Variants in ZFP92 observed in about 807,000 individuals in gnomAD.
ZFP92 encodes zinc finger protein 92 homolog.
Under a neutral mutation model 7.6 loss-of-function variants are expected in ZFP92, and 2 were observed. The observed-to-expected ratio is 0.26, with a 90% confidence interval of 0.11 to 0.83. The LOEUF (loss-of-function observed/expected upper bound fraction) is 0.83, where lower values mean the gene tolerates loss of function less well. ZFP92 is among the 40% of genes least tolerant of loss of function. The pLI is 0.65. For synonymous variants in ZFP92, 226 were observed against 183.6 expected (o/e 1.23, Z -1.87); for missense variants, 324 against 408.3 (o/e 0.79, Z 1.78).
chrX:153,421,819 C>G lies in ZFP92; in HGVS notation c.*191C>G. ...CTGAGGCTGAGAAACGCAGGAAGGACTCAGAACCGAGGACTGCCGCCTGCC... is the reference window on the plus strand; with the variant it reads ...CTGAGGCTGAGAAACGCAGGAAGGAGTCAGAACCGAGGACTGCCGCCTGCC... On this transcript the variant is annotated 3_prime_UTR_variant, in exon 6 of 6. Coordinates refer to ENST00000338647, the MANE Select transcript of ZFP92 (RefSeq NM_001136273.2). 1 of 525,647 alleles carries G rather than the reference C, an allele frequency of 1.9e-6. No homozygotes were observed. Among genetic ancestry groups the G allele is most frequent in the Non-Finnish European group, 2.5e-6 (1 of 396,915 alleles). 43.3% of individuals were successfully genotyped at this position (525,647 alleles called of 1,213,427 possible).
chrX:153,413,981 G>C (rs1303875408), intron 2 of ZFP92, among the ~76,000 whole-genome samples: 9 of 112,440 alleles, frequency 8.0e-5, no homozygotes, highest in South Asian at 3.7e-4. Flanking sequence ...GTTCACTCAG[G>C]GGGTCACCAC....
chrX:153,413,770 G>A (rs2124288652), intron 2 of ZFP92, among the ~76,000 whole-genome samples: 1 of 112,385 alleles, frequency 8.9e-6, no homozygotes, highest in South Asian at 3.7e-4. Flanking sequence ...CCACCTGGGT[G>A]TTATTTGAGT....
chrX:153,423,904 C>G lies in ZFP92; in HGVS notation c.*2276C>G, dbSNP rs1477313444. 1 of 113,494 alleles carries G rather than the reference C, an allele frequency of 8.8e-6. No individual in the cohort carries two copies. Among genetic ancestry groups the G allele is most frequent in the Non-Finnish European group, 1.9e-5 (1 of 53,467 alleles). 9.4% of individuals were successfully genotyped at this position (113,494 alleles called of 1,213,427 possible). On this transcript the variant is annotated 3_prime_UTR_variant, in exon 6 of 6. Coordinates refer to ENST00000338647, the MANE Select transcript of ZFP92 (RefSeq NM_001136273.2). Reference sequence around the variant, plus strand: ...TGGCAGGAGGCCATGCAATTGGGCTCTAGTCTTGCTTCATTCAACTGAACC... The same window carrying G: ...TGGCAGGAGGCCATGCAATTGGGCTGTAGTCTTGCTTCATTCAACTGAACC...
intron 2 of ZFP92, among the ~76,000 whole-genome samples, chrX:153,415,704 T>A (rs2124291326): frequency 8.9e-6 from 1 of 111,930 alleles, no homozygotes; most frequent in African/African-American, 3.3e-5. Context: ...TTCTTTTTAA[T>A]CACCATCTTG....
chrX:153,420,896 C>A lies in ZFP92; in HGVS notation c.519C>A (p.Ile173=). Residue 173 remains isoleucine (I), a synonymous_variant, in exon 6 of 6, where the codon ATC becomes ATA. Transcript: ENST00000338647. ...RSSNLIKHRI[I]HSGEKPYACP... is the part of the protein sequence containing the mutation. ...CCAACCTCATCAAGCACCGCATCATCCACAGTGGCGAGAAGCCTTACGCGT... is the reference window on the plus strand; with the variant it reads ...CCAACCTCATCAAGCACCGCATCATACACAGTGGCGAGAAGCCTTACGCGT... 11 of 1,188,988 alleles carry A rather than the reference C, an allele frequency of 9.3e-6. No individual in the cohort carries two copies. Among genetic ancestry groups the A allele is most frequent in the Non-Finnish European group, 1.2e-5 (11 of 884,075 alleles).
rs3987736 is a variant in ZFP92 at position 153,423,393 on chromosome X, TACACACACACACACACACACAC to T, written c.*1784_*1805del. The T allele has an allele frequency of 1.1e-5, 1 of 93,970 alleles. No individual in the cohort carries two copies. The highest frequency in any genetic ancestry group is 2.1e-5 in the Non-Finnish European group (1 of 47,208). 7.7% of individuals were successfully genotyped at this position (93,970 alleles called of 1,213,427 possible). On this transcript the variant is annotated 3_prime_UTR_variant, in exon 6 of 6. Transcript: ENST00000338647. ...TAGGACAACTCCAGAAATAATGTTA[TACACACACACACACACACACAC>T]ACACACACACACACACACGATATAT...
At chrX:153,417,970 G>A (rs1034092806) in intron 2 of ZFP92, among the ~76,000 whole-genome samples, 2 of 112,170 alleles carry the variant, frequency 1.8e-5, no homozygotes, top group Non-Finnish European at 3.8e-5. Flanking sequence ...AGGATTGCTG[G>A]AAACCACCAG....
rs781971278 is a variant in ZFP92, at chrX:153,423,339, C to G, written c.*1711C>G. 9.2e-6 allele frequency: 1 copy of G among 109,183 alleles called. No individual in the cohort carries two copies. Among genetic ancestry groups the G allele is most frequent in the African/African-American group, 3.4e-5 (1 of 29,808 alleles). The allele number at this position is 109,183 out of a possible 1,213,427, so 9.0% of individuals were successfully genotyped here. ...AAGACCCAAACATACAGGATTCCCT[C>G]GGAGAATGCTGCTTGGAGTGCCAGT... On this transcript the variant is annotated 3_prime_UTR_variant, in exon 6 of 6. Transcript: ENST00000338647.
chrX:153,421,588 C>G lies in ZFP92; in HGVS notation c.1211C>G (p.Pro404Arg). 4 of 1,034,067 alleles carry G rather than the reference C, an allele frequency of 3.9e-6. No homozygotes were observed. 85.2% of individuals were successfully genotyped at this position (1,034,067 alleles called of 1,213,427 possible). Residue 404 changes from proline to arginine, a missense_variant, in exon 6 of 6, where the codon CCG (proline) becomes CGG (arginine). Physicochemically the swap from Pro to Arg is moderately radical, Grantham distance 103. Transcript: ENST00000338647. Reference sequence around the variant, plus strand: ...GTGGCGGCCACCAGCCCCCCGCGGCCGAGCACAGCCGCCAGGCCTTCCAGG... The same window carrying G: ...GTGGCGGCCACCAGCCCCCCGCGGCGGAGCACAGCCGCCAGGCCTTCCAGG... ...SAVAATSPPRPSTAARPSRPS... is the reference protein window; with the variant it reads ...SAVAATSPPRRSTAARPSRPS...
intron 2 of ZFP92, among the ~76,000 whole-genome samples, chrX:153,414,092 G>A (rs1026348787): frequency 8.9e-6 from 1 of 112,500 alleles, no homozygotes; most frequent in Non-Finnish European, 1.9e-5. Flanking sequence ...TCCAAAATGG[G>A]TAGTGAACTT....
intron 3 of ZFP92, 57 bp from the exon 4 acceptor site, chrX:153,418,616 C>G (rs2088974338): frequency 1.5e-5 from 17 of 1,153,361 alleles, no homozygotes; most frequent in African/African-American, 1.1e-4. Flanking sequence ...TCTGTCAGCT[C>G]CTCCAGGGGC....
At position 153,422,848 on chromosome X, in the gene ZFP92, T is replaced by A. The variant is rs1319438528; in HGVS notation, c.*1220T>A. 1.8e-5 allele frequency: 2 copies of A among 112,386 alleles called. No individual in the cohort carries two copies. The highest frequency in any genetic ancestry group is 6.5e-5 in the African/African-American group (2 of 30,893). 9.3% of individuals were successfully genotyped at this position (112,386 alleles called of 1,213,427 possible). On this transcript the variant is annotated 3_prime_UTR_variant, in exon 6 of 6. Transcript: ENST00000338647. ...ATCAGAGTATCAGGGATTCACTCCC[T>A]AAATAAGAGTCCCCCCAGCCCTCTG... is the stretch of plus-strand genomic sequence containing the variant.
chrX:153,423,447 T>C lies in ZFP92; in HGVS notation c.*1819T>C, dbSNP rs1196464744. Reference sequence around the variant, plus strand: ...ACACACACACACGATATATATAGTTTTATGAAAACTTCTAGAGTTCTTGTA... The same window carrying C: ...ACACACACACACGATATATATAGTTCTATGAAAACTTCTAGAGTTCTTGTA... On this transcript the variant is annotated 3_prime_UTR_variant, in exon 6 of 6. Transcript: ENST00000338647. The C allele has an allele frequency of 1.8e-5, 2 of 109,560 alleles. No homozygotes were observed. The highest frequency in any genetic ancestry group is 3.8e-5 in the Non-Finnish European group (2 of 52,750). The allele number at this position is 109,560 out of a possible 1,213,427, so 9.0% of individuals were successfully genotyped here. A position where few individuals can be genotyped will look rare whatever the true frequency, so the allele number is the denominator to read the frequency against.
At position 153,411,970 on chromosome X, in the gene ZFP92, G is replaced by A. The variant is rs1472703309; in HGVS notation, c.-62G>A. On this transcript the variant is annotated 5_prime_UTR_variant, in exon 2 of 6. Coordinates refer to ENST00000338647, the MANE Select transcript of ZFP92 (RefSeq NM_001136273.2). Reference sequence around the variant, plus strand: ...CTCTCCTGATTGGTTTCCAGCCACCGGTCCCGAGGCTGGCTAAAGAGCATC... The same window carrying A: ...CTCTCCTGATTGGTTTCCAGCCACCAGTCCCGAGGCTGGCTAAAGAGCATC... Among the ~76,000 whole-genome samples the A allele has an allele frequency of 1.8e-5, 2 of 112,892 alleles. No homozygotes were observed. Among genetic ancestry groups the A allele is most frequent in the Non-Finnish European group, 3.8e-5 (2 of 53,302 alleles).
chrX:153,421,577 C>G lies in ZFP92; in HGVS notation c.1200C>G (p.Ser400Arg). 9.6e-7 allele frequency: 1 copy of G among 1,047,040 alleles called. No individual in the cohort carries two copies. The highest frequency in any genetic ancestry group is 1.2e-6 in the Non-Finnish European group (1 of 822,604). The allele number at this position is 1,047,040 out of a possible 1,213,427, so 86.3% of individuals were successfully genotyped here. The stretch of plus-strand genomic sequence containing the variant: ...CTGGGAGCGCGGTGGCGGCCACCAG[C>G]CCCCCGCGGCCGAGCACAGCCGCCA... ...TGPGSAVAATSPPRPSTAARP... is the reference protein window; with the variant it reads ...TGPGSAVAATRPPRPSTAARP... Residue 400 changes from serine to arginine, a missense_variant, in exon 6 of 6, where the codon AGC (serine) becomes AGG (arginine). By Grantham distance (110) the Ser-to-Arg change is moderately radical. Transcript: ENST00000338647.
chrX:153,416,313 C>G (rs1556973738), intron 2 of ZFP92, among the ~76,000 whole-genome samples: 2 of 111,749 alleles, frequency 1.8e-5, no homozygotes, highest in Non-Finnish European at 3.8e-5. Flanking sequence ...CTCAAATAAT[C>G]ACAGGATGGC....
At chrX:153,412,116 T>C (rs1368572493) in intron 2 of ZFP92, among the ~76,000 whole-genome samples, 103 bp downstream of exon 2, 1 of 112,675 alleles carries the variant, frequency 8.9e-6, no homozygotes, top group Non-Finnish European at 1.9e-5. Flanking sequence ...GGTCTCCAGA[T>C]CGGGGCAGGA....
chrX:153,418,595 C>T (rs782323103), intron 3 of ZFP92, 78 bp from the exon 4 acceptor site: 1 of 1,138,912 alleles, frequency 8.8e-7, no homozygotes, highest in Non-Finnish European at 1.2e-6. Context: ...CCCCGCCCCC[C>T]ACATTTTGTT....
At chrX:153,416,697 C>T (rs1025523067) in intron 2 of ZFP92, among the ~76,000 whole-genome samples, 3 of 111,805 alleles carry the variant, frequency 2.7e-5, no homozygotes, top group African/African-American at 9.8e-5. Context: ...CAATCTTTTA[C>T]CCCCCTGTCC....
Sources: gnomAD v4.1 joint callset for allele counts (sites outside exome capture counted in the v4.1 genomes callset) on GRCh38, gnomAD v4.1.1 for gene constraint, MANE v1.5 for transcripts, NCBI Gene and HGNC (gene_info 2026-07-23, HGNC 2026-07-21) for gene names.